NDST4: variants seen among roughly 807,000 people sequenced by gnomAD.
The protein encoded by NDST4 is N-heparan sulfate sulfotransferase 4.
In NDST4, 63 loss-of-function variants were observed where a neutral mutation model predicts 100.8. That is an observed-to-expected ratio of 0.62 (90% CI 0.51 to 0.77). The LOEUF is 0.77. Ranked by LOEUF, NDST4 falls within the 30% of genes least tolerant of loss-of-function variation. The pLI is 0.00. For synonymous variants in NDST4, 377 were observed against 361.8 expected, an observed-to-expected ratio of 1.04 and a Z score of -0.48; for missense variants, 943 against 1,018.4, an observed-to-expected ratio of 0.93 and a Z score of 1.01.
intron 1 of NDST4, among the ~76,000 whole-genome samples, chr4:115,080,764 A>G (rs480995): frequency 0.23 from 35,264 of 151,742 alleles, 5,585 homozygotes; most frequent in East Asian, 0.46. Context: ...TTAATCTTAT[A>G]TCAATTCTTA....
At chr4:115,051,170 C>T (rs1282638405) in intron 2 of NDST4, among the ~76,000 whole-genome samples, 2 of 151,990 alleles carry the variant, frequency 1.3e-5, no homozygotes, top group Admixed American at 1.3e-4. Flanking sequence ...TGAACTATGA[C>T]CTGCCTTTAT....
intron 1 of NDST4, among the ~76,000 whole-genome samples, chr4:115,108,797 C>A (rs575976910): frequency 6.6e-6 from 1 of 152,040 alleles, no homozygotes; most frequent in East Asian, 1.9e-4. Context: ...TGCAACTTAA[C>A]CCACTCTTTC....
chr4:114,859,486 C>G (rs995409916), intron 7 of NDST4, among the ~76,000 whole-genome samples: 1 of 152,122 alleles, frequency 6.6e-6, no homozygotes, highest in Non-Finnish European at 1.5e-5. Context: ...TGAAACTGAG[C>G]GTGTACAGAG....
intron 6 of NDST4, among the ~76,000 whole-genome samples, chr4:114,876,710 A>T (rs2126199179): frequency 6.6e-6 from 1 of 152,312 alleles, no homozygotes; most frequent in East Asian, 1.9e-4. Context: ...GCTCAATCTA[A>T]AAATGGTTCT....
intron 2 of NDST4, among the ~76,000 whole-genome samples, chr4:114,990,375 A>C (rs1727010926): frequency 6.6e-6 from 1 of 152,128 alleles, no homozygotes; most frequent in African/African-American, 2.4e-5. Flanking sequence ...AAAGTATTCA[A>C]ATTTATGGAT....
At chr4:114,940,521 A>G (rs1352044831) in intron 4 of NDST4, among the ~76,000 whole-genome samples, 1 of 152,188 alleles carries the variant, frequency 6.6e-6, no homozygotes, top group Non-Finnish European at 1.5e-5. Flanking sequence ...AATCCCTAAC[A>G]GGACGGGGAG....
chr4:115,056,900 T>G (rs1728706556), intron 2 of NDST4, among the ~76,000 whole-genome samples: 1 of 49,420 alleles, frequency 2.0e-5, no homozygotes, highest in Non-Finnish European at 7.1e-5. Context: ...AAAACTATGT[T>G]ATAGTAATTC....
At chr4:115,110,447 T>G (rs534304609) in intron 1 of NDST4, among the ~76,000 whole-genome samples, 1 of 152,078 alleles carries the variant, frequency 6.6e-6, no homozygotes, top group South Asian at 2.1e-4. Flanking sequence ...CCTAGTTATC[T>G]GGGGGTACGT....
rs914339131 is a variant in NDST4, at chr4:115,076,123, A to G, written c.914T>C (p.Leu305Pro). ...RLTLSLDRYI[L>P]VDIDDIFVGK... ...AACAAATATATCATCAATGTCCACA[A>G]GGATGTACCTGTCCAAGGACAATGT... The change falls in exon 2 of 14, where the codon CTT (leucine) becomes CCT (proline). Residue 305 changes from leucine (L) to proline (P), a missense_variant. Leu to Pro is a moderately conservative substitution (Grantham distance 98). Coordinates refer to ENST00000264363, the MANE Select transcript of NDST4 (RefSeq NM_022569.3). 6.2e-7 allele frequency: 1 copy of G among 1,613,798 alleles called. No individual in the cohort carries two copies. The highest frequency in any genetic ancestry group is 1.3e-5 in the African/African-American group (1 of 74,914).
intron 8 of NDST4, among the ~76,000 whole-genome samples, chr4:114,849,821 G>T (rs1723633973): frequency 6.6e-6 from 1 of 152,216 alleles, no homozygotes; most frequent in Non-Finnish European, 1.5e-5. Context: ...AACTAAATTA[G>T]AGTCTTAAAG....
rs531668514 is a variant in NDST4, at chr4:115,073,000, A to T, written c.978+3059T>A. ...AGTAAGAAAACAAATAACTCATCTTAAAAATGAGCAAAAGGCCTGAATAAA... is the reference window on the plus strand; with the variant it reads ...AGTAAGAAAACAAATAACTCATCTTTAAAATGAGCAAAAGGCCTGAATAAA... On this transcript the variant is annotated intron_variant, in intron 2 of 13. Coordinates refer to ENST00000264363, the MANE Select transcript of NDST4 (RefSeq NM_022569.3). Among the ~76,000 whole-genome samples the T allele has an allele frequency of 7.2e-5, 11 of 152,160 alleles. No individual in the cohort carries two copies. In the East Asian group the frequency reaches 2.1e-3, roughly 29 times the overall value.
At chr4:114,990,365 A>G (rs188070538) in intron 2 of NDST4, among the ~76,000 whole-genome samples, 85 of 152,252 alleles carry the variant, frequency 5.6e-4, no homozygotes, top group African/African-American at 2.0e-3. Flanking sequence ...AAAAATTCAC[A>G]AAGTATTCAA....
At chr4:114,939,501 G>A (rs1214252835) in intron 4 of NDST4, among the ~76,000 whole-genome samples, 1 of 152,008 alleles carries the variant, frequency 6.6e-6, no homozygotes. Context: ...CTCTATAACT[G>A]TATAAATTTG....
chr4:114,857,759 A>G (rs1160226088), intron 7 of NDST4, among the ~76,000 whole-genome samples: 1 of 152,202 alleles, frequency 6.6e-6, no homozygotes, highest in Non-Finnish European at 1.5e-5. Flanking sequence ...TAAGGATATG[A>G]CAAACTAATC....
chr4:114,999,480 G>T (rs1727236368), intron 2 of NDST4, among the ~76,000 whole-genome samples: 1 of 152,062 alleles, frequency 6.6e-6, no homozygotes. Flanking sequence ...CTCCATAAAA[G>T]CAAGTGATTA....
chr4:114,856,479 A>G (rs1723796174), intron 7 of NDST4, among the ~76,000 whole-genome samples: 1 of 152,232 alleles, frequency 6.6e-6, no homozygotes, highest in Admixed American at 6.5e-5. Context: ...ACTTTTAAAT[A>G]TAACACTTGT....
At chr4:114,852,528 A>G (rs1232082072) in intron 8 of NDST4, among the ~76,000 whole-genome samples, 197 bp downstream of exon 8, 3 of 152,174 alleles carry the variant, frequency 2.0e-5, no homozygotes, top group African/African-American at 7.2e-5. Context: ...AAGGCTACTT[A>G]GTGGGAAACT....
At chr4:114,981,918 T>C (rs891329017) in intron 2 of NDST4, among the ~76,000 whole-genome samples, 15 of 152,170 alleles carry the variant, frequency 9.9e-5, no homozygotes, top group Non-Finnish European at 1.0e-4. Context: ...TGGGAGGTGA[T>C]TGGATTCTGA....
chr4:115,029,355 A>G (rs1177449433), intron 2 of NDST4, among the ~76,000 whole-genome samples: 1 of 152,086 alleles, frequency 6.6e-6, no homozygotes, highest in African/African-American at 2.4e-5. Flanking sequence ...ATTGTGGCAC[A>G]GGTTAAGGCA....
Sources: gnomAD v4.1 joint callset for allele counts (sites outside exome capture counted in the v4.1 genomes callset) on GRCh38, gnomAD v4.1.1 for gene constraint, MANE v1.5 for transcripts, NCBI Gene and HGNC (gene_info 2026-07-23, HGNC 2026-07-21) for gene names.